Variants in SNTG1 observed in about 807,000 individuals in gnomAD.
The protein encoded by SNTG1 is gamma-1-syntrophin.
A neutral mutation model predicts 74.7 loss-of-function variants in SNTG1; 39 were observed. The ratio of observed to expected loss-of-function variants is 0.52; its 90% CI spans 0.40 to 0.68. SNTG1 has a LOEUF of 0.68. Among genes scored for constraint, SNTG1 ranks in the 30% least tolerant of loss-of-function variants. The probability of loss-of-function intolerance (pLI) is 0.00; values close to 1 mark genes in which losing one functional copy is unlikely to be tolerated. For synonymous variants in SNTG1, 254 were observed against 217.1 expected (o/e 1.17, Z -1.49); for missense variants, 685 against 609.5 (o/e 1.12, Z -1.30).
At chr8:49,928,451 G>C (rs532773622) in intron 1 of SNTG1, among the ~76,000 whole-genome samples, 4 of 151,790 alleles carry the variant, frequency 2.6e-5, no homozygotes, top group Admixed American at 1.3e-4. Context: ...GGCTGCTCTC[G>C]AACTCCTAAC....
At chr8:50,158,704 T>C (rs2082324565) in intron 1 of SNTG1, among the ~76,000 whole-genome samples, 1 of 152,166 alleles carries the variant, frequency 6.6e-6, no homozygotes, top group Admixed American at 6.6e-5. Flanking sequence ...AATTTGTTTC[T>C]CTATTCCTTA....
chr8:50,704,452 T>C, intron 15 of SNTG1, 148 bp from the exon 16 acceptor site: 1 of 931,760 alleles, frequency 1.1e-6, no homozygotes, highest in South Asian at 1.3e-5. Flanking sequence ...AGCCCGGAGT[T>C]CTGGTATAAT....
At chr8:50,433,282 G>A (rs1208825460) in intron 4 of SNTG1, among the ~76,000 whole-genome samples, 1 of 151,544 alleles carries the variant, frequency 6.6e-6, no homozygotes, top group Non-Finnish European at 1.5e-5. Context: ...TTTATACGTT[G>A]ACAAAAAACA....
At chr8:50,732,724 T>G (rs1303692718) in intron 17 of SNTG1, among the ~76,000 whole-genome samples, 2 of 151,874 alleles carry the variant, frequency 1.3e-5, no homozygotes, top group Non-Finnish European at 2.9e-5. Context: ...ATGTAAATAT[T>G]TTTTCCACAT....
rs115157957 is a variant in SNTG1 at position 50,009,652 on chromosome 8, G to A, written c.-103+97421G>A. On this transcript the variant is annotated intron_variant, in intron 1 of 18. Transcript: ENST00000642720. ...TTCCAAAATCAAGAGGTTCTTTTGC[G>A]GTATTATAAAGAAAAATGTTGCAAA... is the stretch of plus-strand genomic sequence containing the variant. Among the ~76,000 whole-genome samples the A allele has an allele frequency of 8.2e-3, 1,251 of 152,094 alleles. 21 individuals carry two copies. Among genetic ancestry groups the A allele is most frequent in the African/African-American group, 0.029 (1,193 of 41,474 alleles).
Position 50,725,033 on chromosome 8 carries a change from G to A in SNTG1, c.1284+16055G>A, listed in dbSNP as rs558637704. ...TAATGGAGACAAATAAATATCATTC[G>A]GCTCACTTTGATAAGAAAACTTCAT... On this transcript the variant is annotated intron_variant, in intron 17 of 18. Coordinates refer to ENST00000642720, the MANE Select transcript of SNTG1 (RefSeq NM_018967.5). Among the ~76,000 whole-genome samples the A allele has an allele frequency of 7.9e-5, 12 of 151,950 alleles. No individual in the cohort carries two copies. In the South Asian group the frequency reaches 8.3e-4, roughly 11 times the overall value.
At chr8:50,078,006 A>G (rs1217794772) in intron 1 of SNTG1, among the ~76,000 whole-genome samples, 1 of 152,190 alleles carries the variant, frequency 6.6e-6, no homozygotes, top group East Asian at 1.9e-4. Context: ...CTATATGTAC[A>G]TATATGGATA....
chr8:50,008,265 C>A (rs1585870223), intron 1 of SNTG1, among the ~76,000 whole-genome samples: 1 of 152,302 alleles, frequency 6.6e-6, no homozygotes, highest in East Asian at 1.9e-4. Flanking sequence ...CATTATCAGA[C>A]CCTCTGTACT....
chr8:49,933,280 T>A (rs1807761235), intron 1 of SNTG1, among the ~76,000 whole-genome samples: 1 of 152,166 alleles, frequency 6.6e-6, no homozygotes, highest in South Asian at 2.1e-4. Flanking sequence ...AGTGTCTGTC[T>A]TTTTTATTAT....
intron 5 of SNTG1, among the ~76,000 whole-genome samples, chr8:50,447,501 T>C (rs1272960489): frequency 6.6e-6 from 1 of 152,194 alleles, no homozygotes; most frequent in Non-Finnish European, 1.5e-5. Context: ...GAAACATAGA[T>C]GCATCCTTAA....
rs184373721 is a variant in SNTG1 at position 50,179,221 on chromosome 8, A to G, written c.-28+6586A>G. On this transcript the variant is annotated intron_variant, in intron 2 of 18. Coordinates refer to ENST00000642720, the MANE Select transcript of SNTG1 (RefSeq NM_018967.5). Reference sequence around the variant, plus strand: ...TCTTACTACTGTAGCTTTGTCATGTAATTTGAAGTCAGGAAATATGATACC... The same window carrying G: ...TCTTACTACTGTAGCTTTGTCATGTGATTTGAAGTCAGGAAATATGATACC... Among the ~76,000 whole-genome samples the G allele has an allele frequency of 5.1e-4, 78 of 152,200 alleles. 2 individuals carry two copies. In the East Asian group the frequency reaches 0.014, roughly 28 times the overall value.
intron 2 of SNTG1, among the ~76,000 whole-genome samples, chr8:50,201,273 T>C (rs111768790): frequency 3.9e-5 from 6 of 152,288 alleles, no homozygotes; most frequent in African/African-American, 1.4e-4. Context: ...GGCTGAAATC[T>C]CTCTTTTTCC....
chr8:50,275,620 G>A (rs556705383), intron 2 of SNTG1, among the ~76,000 whole-genome samples: 2 of 152,060 alleles, frequency 1.3e-5, no homozygotes, highest in Non-Finnish European at 2.9e-5. Context: ...TAGAAATTGC[G>A]GTGCTGGAGG....
chr8:50,781,863 T>C (rs1372869097), intron 18 of SNTG1, among the ~76,000 whole-genome samples: 1 of 152,216 alleles, frequency 6.6e-6, no homozygotes, highest in Non-Finnish European at 1.5e-5. Context: ...TTTCCATGTT[T>C]AGTGCTTCCT....
chr8:50,372,099 TTTTA>T, intron 2 of SNTG1, among the ~76,000 whole-genome samples: 1 of 152,198 alleles, frequency 6.6e-6, no homozygotes, highest in Middle Eastern at 3.4e-3. Flanking sequence ...TTTCATTACT[TTTTA>T]TTTCTCAACT....
intron 5 of SNTG1, among the ~76,000 whole-genome samples, chr8:50,440,857 A>T (rs1171184787): frequency 1.3e-5 from 2 of 152,250 alleles, no homozygotes; most frequent in African/African-American, 4.8e-5. Context: ...CGCTGGACTC[A>T]GAACACATGG....
At chr8:50,635,559 C>T (rs2095033702) in intron 13 of SNTG1, among the ~76,000 whole-genome samples, 1 of 152,206 alleles carries the variant, frequency 6.6e-6, no homozygotes, top group South Asian at 2.1e-4. Flanking sequence ...AGTCTCTCCC[C>T]ATGGTCACCA....
intron 2 of SNTG1, among the ~76,000 whole-genome samples, chr8:50,363,765 C>G (rs2092031027): frequency 6.6e-6 from 1 of 152,044 alleles, no homozygotes. Flanking sequence ...TAAATAAACT[C>G]AACTGTCTCT....
rs187400793 is a variant in SNTG1 at position 50,713,931 on chromosome 8, C to T, written c.1284+4953C>T. Among the ~76,000 whole-genome samples the T allele has an allele frequency of 2.8e-3, 425 of 152,048 alleles. 3 individuals carry two copies. The highest frequency in any genetic ancestry group is 0.01 in the Middle Eastern group (3 of 294). The stretch of plus-strand genomic sequence containing the variant: ...AAAATTAGCTGGATGTGGTGGCAGG[C>T]ACCTGTAATCCCAGCTACTCAGGAG... On this transcript the variant is annotated intron_variant, in intron 17 of 18. Transcript: ENST00000642720.
Sources: allele counts gnomAD v4.1 joint callset (sites outside exome capture counted in the v4.1 genomes callset), GRCh38; gene constraint gnomAD v4.1.1; transcripts MANE v1.5; gene names NCBI Gene and HGNC (gene_info 2026-07-23, HGNC 2026-07-21).